Variants in SMOC1 observed in about 807,000 individuals in gnomAD.
The protein encoded by SMOC1 is SPARC-related modular calcium-binding protein 1.
A neutral mutation model predicts 56.3 loss-of-function variants in SMOC1; 22 were observed. That is an observed-to-expected ratio of 0.39 (90% CI 0.28 to 0.56). The LOEUF is 0.56. SMOC1 is among the 20% of genes least tolerant of loss of function. The probability of loss-of-function intolerance (pLI) is 0.61; values close to 1 mark genes in which losing one functional copy is unlikely to be tolerated. For missense variants in SMOC1, 509 were observed against 565.4 expected (o/e 0.90, Z 1.01); for synonymous variants, 193 against 215.0 (o/e 0.90, Z 0.89).
intron 1 of SMOC1, among the ~76,000 whole-genome samples, chr14:69,916,518 C>T (rs960035121): frequency 1.3e-5 from 2 of 152,242 alleles, no homozygotes; most frequent in Admixed American, 6.5e-5. Flanking sequence ...ATGTAATTTT[C>T]TCCTTGGCTG....
chr14:69,941,885 C>T (rs757832726), intron 1 of SMOC1, among the ~76,000 whole-genome samples: 1 of 152,158 alleles, frequency 6.6e-6, no homozygotes, highest in Non-Finnish European at 1.5e-5. Flanking sequence ...GAGAAATTCT[C>T]CTGGATCCTT....
chr14:69,921,208 G>C (rs1031764310), intron 1 of SMOC1, among the ~76,000 whole-genome samples: 6 of 152,166 alleles, frequency 3.9e-5, no homozygotes, highest in African/African-American at 1.4e-4. Flanking sequence ...GAGTGAGCTA[G>C]ACTCCACAGC....
intron 5 of SMOC1, among the ~76,000 whole-genome samples, chr14:69,978,615 T>C (rs1470212308): frequency 6.6e-6 from 1 of 152,200 alleles, no homozygotes; most frequent in Non-Finnish European, 1.5e-5. Context: ...GTGGCTTCCA[T>C]AGCATGCTTA....
chr14:69,894,290 C>G (rs888237279), intron 1 of SMOC1, among the ~76,000 whole-genome samples: 2 of 152,198 alleles, frequency 1.3e-5, no homozygotes, highest in Non-Finnish European at 2.9e-5. Context: ...TCCTTCCTAT[C>G]TAAACATCAT....
intron 7 of SMOC1, among the ~76,000 whole-genome samples, chr14:70,004,654 C>T (rs1885084618): frequency 6.6e-6 from 1 of 152,184 alleles, no homozygotes; most frequent in South Asian, 2.1e-4. Context: ...TTTGCCAGCC[C>T]CTATAATTAC....
At chr14:70,011,403 T>A in intron 8 of SMOC1, 82 bp from the exon 9 acceptor site, 1 of 1,329,088 alleles carries the variant, frequency 7.5e-7, no homozygotes, top group Non-Finnish European at 1.1e-6. Flanking sequence ...GGTGACAACA[T>A]AGATCATTGC....
intron 1 of SMOC1, among the ~76,000 whole-genome samples, chr14:69,948,343 T>A (rs1882868312): frequency 6.6e-6 from 1 of 152,230 alleles, no homozygotes. Context: ...AACTTTTTAT[T>A]TGGCCTTAGG....
chr14:69,938,390 A>T (rs972161252), intron 1 of SMOC1, among the ~76,000 whole-genome samples: 1 of 152,150 alleles, frequency 6.6e-6, no homozygotes, highest in East Asian at 1.9e-4. Context: ...ATGCGAGTGG[A>T]TAAATATTTT....
intron 10 of SMOC1, among the ~76,000 whole-genome samples, chr14:70,021,917 G>T (rs761872323): frequency 6.6e-6 from 1 of 152,184 alleles, no homozygotes; most frequent in Non-Finnish European, 1.5e-5. Context: ...TTCAGAATGT[G>T]CAGACAGGCC....
intron 1 of SMOC1, chr14:69,885,539 G>A: frequency 6.3e-7 from 1 of 1,597,486 alleles, no homozygotes; most frequent in Non-Finnish European, 8.5e-7. Flanking sequence ...GAAGGCGACA[G>A]TGGTGCAGGT....
chr14:69,936,836 C>T lies in SMOC1; in HGVS notation c.100-15302C>T, dbSNP rs189710068. On this transcript the variant is annotated intron_variant, in intron 1 of 11. Transcript: ENST00000361956. The stretch of plus-strand genomic sequence containing the variant: ...TGTTCCTACCATTCAGAGACAGTCA[C>T]TATTAACATTTTGGTATATTTCCTA... Among the ~76,000 whole-genome samples, 71 of 152,234 alleles carry T rather than the reference C, an allele frequency of 4.7e-4. No individual in the cohort carries two copies. In the East Asian group the frequency reaches 9.6e-3, roughly 21 times the overall value.
rs185977069 is a variant in SMOC1 at position 69,992,750 on chromosome 14, G to T, written c.583+277G>T. Among the ~76,000 whole-genome samples the T allele has an allele frequency of 1.7e-3, 265 of 152,274 alleles. 1 individual carries two copies. The highest frequency in any genetic ancestry group is 2.1e-3 in the Non-Finnish European group (140 of 68,028). ...ATAACACAGCCTGGACAGACCCTTG[G>T]AGCTGCCAAGACCCAGGAATCACAG... On this transcript the variant is annotated intron_variant, in intron 6 of 11. Transcript: ENST00000361956.
At chr14:69,986,814 T>G (rs1480824301) in intron 5 of SMOC1, among the ~76,000 whole-genome samples, 1 of 152,160 alleles carries the variant, frequency 6.6e-6, no homozygotes, top group Non-Finnish European at 1.5e-5. Flanking sequence ...TTTCACTTCT[T>G]TTGGGAGGGA....
chr14:70,028,830 A>AC (rs1403547414), intron 11 of SMOC1, among the ~76,000 whole-genome samples: 2 of 152,040 alleles, frequency 1.3e-5, no homozygotes, highest in Non-Finnish European at 2.9e-5. Context: ...ACCGATATCC[A>AC]CCCCACGCCC....
chr14:69,965,399 A>AATAATAATAATAATAATCATC (rs1212605422), intron 3 of SMOC1, among the ~76,000 whole-genome samples: 8 of 150,868 alleles, frequency 5.3e-5, no homozygotes, highest in African/African-American at 1.5e-4. Context: ...TAATAATAAT[A>AATAATAATAATAATAATCATC]ATAATAAAAA....
intron 3 of SMOC1, among the ~76,000 whole-genome samples, chr14:69,971,459 G>T (rs1361054722): frequency 6.6e-6 from 1 of 152,178 alleles, no homozygotes; most frequent in African/African-American, 2.4e-5. Context: ...GCTTCGGAGT[G>T]GGATAGGAGC....
At chr14:69,972,714 G>A (rs1883812943) in intron 3 of SMOC1, among the ~76,000 whole-genome samples, 1 of 152,170 alleles carries the variant, frequency 6.6e-6, no homozygotes, top group Non-Finnish European at 1.5e-5. Flanking sequence ...TGGCCCTTGG[G>A]ACCCTCTGAG....
chr14:69,940,661 CTT>C (rs1882519112), intron 1 of SMOC1, among the ~76,000 whole-genome samples: 1 of 152,228 alleles, frequency 6.6e-6, no homozygotes, highest in Admixed American at 6.5e-5. Context: ...TAAGTCCTCT[CTT>C]ATAATCCATG....
At chr14:69,952,327 G>C in intron 2 of SMOC1, 24 bp downstream of exon 2, 1 of 1,613,124 alleles carries the variant, frequency 6.2e-7, no homozygotes, top group Non-Finnish European at 8.5e-7. Context: ...CCCCTGCCCA[G>C]CCAAGGAGAG....
Sources: gnomAD v4.1 joint callset for allele counts (sites outside exome capture counted in the v4.1 genomes callset) on GRCh38, gnomAD v4.1.1 for gene constraint, MANE v1.5 for transcripts, NCBI Gene and HGNC (gene_info 2026-07-23, HGNC 2026-07-21) for gene names.